The following C16orf92 variants were observed in gnomAD, a reference collection of about 807,000 sequenced individuals.
C16orf92 encodes the protein fertilization-influencing membrane protein.
Under a neutral mutation model 13.7 loss-of-function variants are expected in C16orf92, and 14 were observed. The ratio of observed to expected loss-of-function variants is 1.02; its 90% CI spans 0.67 to 1.60. The LOEUF is 1.60. Ranked by LOEUF, C16orf92 falls within the 40% of genes most tolerant of loss-of-function variation. The pLI is 0.00. For missense variants in C16orf92, 116 were observed against 139.0 expected, an observed-to-expected ratio of 0.83 and a Z score of 0.83; for synonymous variants, 50 against 57.4, an observed-to-expected ratio of 0.87 and a Z score of 0.58.
downstream of C16orf92, chr16:30,026,721 G>A (rs140155911): frequency 3.7e-5 from 59 of 1,613,856 alleles, no homozygotes; most frequent in Non-Finnish European, 4.3e-5. Flanking sequence ...GGCTCTGGCC[G>A]CTCCGTCGTC....
downstream of C16orf92, chr16:30,026,777 CATGGCGTAG>C (rs762387425): frequency 3.7e-6 from 6 of 1,614,180 alleles, no homozygotes; most frequent in Non-Finnish European, 5.1e-6. Context: ...GACAGAGGAA[CATGGCGTAG>C]ATGTCGTAGA....
downstream of C16orf92, chr16:30,025,255 G>A (rs761481525): frequency 5.9e-6 from 9 of 1,535,464 alleles, no homozygotes; most frequent in South Asian, 1.1e-4. The surrounding 1 kb of genome is among the most constrained non-coding windows in gnomAD (Gnocchi z 4.1). Flanking sequence ...CACGGCAGAT[G>A]AGGAAGAACC....
rs1042355162 is a variant in C16orf92, at chr16:30,024,504, G to C, written c.*277G>C. ...GTCCCCCGACCCCAGATTGGAGGAA[G>C]CCTTGAGAGGTCAGTAGCACCAGGG... On this transcript the variant is annotated 3_prime_UTR_variant, in exon 4 of 4. Transcript: ENST00000681219. The C allele has an allele frequency of 2.3e-5, 12 of 526,610 alleles. No homozygotes were observed. The highest frequency in any genetic ancestry group is 4.1e-5 in the Non-Finnish European group (12 of 295,944). 32.6% of individuals were successfully genotyped at this position (526,610 alleles called of 1,614,324 possible).
At chr16:30,026,043 C>T (rs2071117066), downstream of C16orf92, among the ~76,000 whole-genome samples, 1 of 151,998 alleles carries the variant, frequency 6.6e-6, no homozygotes, top group African/African-American at 2.4e-5. Flanking sequence ...ACCAGCCTGG[C>T]CAACATGGTG....
At position 30,023,349 on chromosome 16, in the gene C16orf92, G is replaced by A. The variant is rs770574484; in HGVS notation, c.9G>A (p.Leu3=). 1.9e-6 allele frequency: 3 copies of A among 1,606,344 alleles called. No individual in the cohort carries two copies. The highest frequency in any genetic ancestry group is 2.2e-5 in the South Asian group (2 of 89,372). Residue 3 remains leucine (L), a synonymous_variant, in exon 1 of 4, where the codon CTG becomes CTA. Transcript: ENST00000681219. ...ACCTCATGATAGGAGTCATGAGGCT[G>A]TGGCCATGGGTGCTGGTGTGGGTGT... is the stretch of plus-strand genomic sequence containing the variant. MR[L]WPWVLVWVWL...
At chr16:30,024,781 G>T (rs1445496478), downstream of C16orf92, 1 of 203,922 alleles carries the variant, frequency 4.9e-6, no homozygotes, top group Non-Finnish European at 9.7e-6. Flanking sequence ...GGTTAGTTGG[G>T]GCGTCCTCTC....
chr16:30,024,049 G>A lies in C16orf92; in HGVS notation c.274G>A (p.Ala92Thr), dbSNP rs2150968261. The A allele has an allele frequency of 6.2e-7, 1 of 1,614,062 alleles. No homozygotes were observed. The highest frequency in any genetic ancestry group is 1.1e-5 in the South Asian group (1 of 91,090). ...CATCCTGGTGGGCTTGCTGGTGGTG[G>A]CGTTCTTCTTTCTCCTTTTCCAGTT... The part of the protein sequence containing the change: ...HHILVGLLVV[A>T]FFFLLFQFCT... The change falls in exon 3 of 4, where the codon GCG (alanine) becomes ACG (threonine). Residue 92 changes from alanine (A) to threonine (T), a missense_variant. Coordinates refer to ENST00000681219, the MANE Select transcript of C16orf92 (RefSeq NM_001109659.2).
chr16:30,026,893 A>G, downstream of C16orf92: 4 of 1,509,404 alleles, frequency 2.7e-6, no homozygotes, highest in South Asian at 1.2e-5. Flanking sequence ...AGGGGACACC[A>G]GTGATTGGGG....
chr16:30,026,917 G>C, downstream of C16orf92: 1 of 1,280,746 alleles, frequency 7.8e-7, no homozygotes, highest in Non-Finnish European at 1.1e-6. Flanking sequence ...GATCTCAGGG[G>C]TCAGCACAGC....
At chr16:30,026,574 C>CCCGCACCCCCCCCCCCCCCCCCCCCCGG, downstream of C16orf92, 1 of 1,580,966 alleles carries the variant, frequency 6.3e-7, no homozygotes, top group Non-Finnish European at 8.6e-7. Flanking sequence ...GAGCAGGCCA[C>CCCGCACCCCCCCCCCCCCCCCCCCCCGG]CCGCACCCCG....
At chr16:30,026,988 A>T (rs2071172742), downstream of C16orf92, 1 of 734,204 alleles carries the variant, frequency 1.4e-6, no homozygotes, top group African/African-American at 1.7e-5. Flanking sequence ...AGAGGGTGAG[A>T]AACTTGCCCA....
rs773417200 is a variant in C16orf92, at chr16:30,024,214, A to G, written c.320A>G (p.Gln107Arg). The G allele has an allele frequency of 1.9e-6, 3 of 1,613,940 alleles. No individual in the cohort carries two copies. In the African/African-American group the frequency reaches 4.0e-5, roughly 22 times the overall value. ...ATCTCCATGCCCCACAGAAACTTCC[A>G]GAAAGGGGCCTAAAGAGCCGGACAA... is the stretch of plus-strand genomic sequence containing the variant. ...LFQFCTHINF[Q>R]KGA is the part of the protein sequence containing the mutation. The change falls in exon 4 of 4, where the codon CAG (glutamine) becomes CGG (arginine). Residue 107 changes from glutamine (Q) to arginine (R), a missense_variant. Transcript: ENST00000681219.
Position 30,023,936 on chromosome 16 carries a change from G to A in C16orf92, c.223+51G>A, listed in dbSNP as rs768867029. ...TCCCTCCCCGCCAGGGTCTGGAGGA[G>A]AGCAGCCCCAGACCCTTCATTGGGC... On this transcript the variant is annotated intron_variant, in intron 2 of 3. Coordinates refer to ENST00000681219, the MANE Select transcript of C16orf92 (RefSeq NM_001109659.2). 2.5e-6 allele frequency: 4 copies of A among 1,593,656 alleles called. No homozygotes were observed. The South Asian group carries it at 4.4e-5, about 18-fold the overall frequency.
chr16:30,026,584 G>T, downstream of C16orf92: 2 of 895,272 alleles, frequency 2.2e-6, no homozygotes, highest in Non-Finnish European at 3.6e-6. Flanking sequence ...CCCGCACCCC[G>T]CCCGCCCAGC....
At chr16:30,024,984 G>T, downstream of C16orf92, 1 of 511,762 alleles carries the variant, frequency 2.0e-6, no homozygotes, top group Non-Finnish European at 3.4e-6. Flanking sequence ...GTGCAGGAAG[G>T]GGGCAGAGTA....
In C16orf92 at chr16:30,024,397, C is replaced by A; in HGVS notation, c.*170C>A. 1 of 937,542 alleles carries A rather than the reference C, an allele frequency of 1.1e-6. No individual in the cohort carries two copies. The highest frequency in any genetic ancestry group is 1.6e-6 in the Non-Finnish European group (1 of 639,846). The allele number at this position is 937,542 out of a possible 1,614,324, so 58.1% of individuals were successfully genotyped here. A position where few individuals can be genotyped will look rare whatever the true frequency, so the allele number is the denominator to read the frequency against. ...AGCCCCCCACCTCCTCCCTTCCCAG[C>A]CCCAAAGAACTTGGTGGCAAGGGCC... On this transcript the variant is annotated 3_prime_UTR_variant, in exon 4 of 4. Transcript: ENST00000681219.
chr16:30,025,395 C>G, downstream of C16orf92: 3 of 1,611,330 alleles, frequency 1.9e-6, no homozygotes, highest in Non-Finnish European at 2.5e-6. This position sits in a 1 kb window ranked among gnomAD's most constrained non-coding sequence, Gnocchi z 4.1. Flanking sequence ...AAGAGCAGCA[C>G]CCGGCAGCAG....
At chr16:30,023,963 A>G in intron 2 of C16orf92, 36 bp from the exon 3 acceptor site, 1 of 1,594,942 alleles carries the variant, frequency 6.3e-7, no homozygotes, top group South Asian at 1.1e-5. Flanking sequence ...TCATTGGGCC[A>G]TCAGAGGGGA....
At chr16:30,026,576 C>T (rs780668926), downstream of C16orf92, 14 of 1,586,962 alleles carry the variant, frequency 8.8e-6, no homozygotes, top group Admixed American at 1.7e-5. Context: ...GCAGGCCACC[C>T]GCACCCCGCC....
Sources: allele counts gnomAD v4.1 joint callset (sites outside exome capture counted in the v4.1 genomes callset), GRCh38; gene constraint gnomAD v4.1.1; non-coding constraint Gnocchi (gnomAD v3.1); transcripts MANE v1.5; gene names NCBI Gene and HGNC (gene_info 2026-07-23, HGNC 2026-07-21).